The following PRRC1 variants were observed in gnomAD, a reference collection of about 807,000 sequenced individuals.
PRRC1 encodes protein PRRC1.
In PRRC1, 39 loss-of-function variants were observed where a neutral mutation model predicts 40.7. The ratio of observed to expected loss-of-function variants is 0.96; its 90% CI spans 0.74 to 1.25. PRRC1 has a LOEUF of 1.25. PRRC1 is among the 50% of genes most tolerant of loss of function. The probability of loss-of-function intolerance (pLI) is 0.00; values close to 1 mark genes in which losing one functional copy is unlikely to be tolerated. For synonymous variants in PRRC1, 175 were observed against 193.3 expected (o/e 0.91, Z 0.79); for missense variants, 573 against 548.3 (o/e 1.05, Z -0.45).
chr5:127,547,548 T>G (rs1580952314), intron 7 of PRRC1, among the ~76,000 whole-genome samples: 2 of 152,092 alleles, frequency 1.3e-5, no homozygotes, highest in Non-Finnish European at 2.9e-5. Context: ...TTACTTTGAT[T>G]ATTCTCCCTT....
chr5:127,530,169 A>G (rs1325112846), intron 4 of PRRC1, 125 bp from the exon 5 acceptor site: 15 of 679,800 alleles, frequency 2.2e-5, no homozygotes, highest in Non-Finnish European at 2.9e-5. Flanking sequence ...ATGACCTTAT[A>G]TATCTTACAA....
At position 127,552,216 on chromosome 5, in the gene PRRC1, A is replaced by G. The variant is rs1768412133; in HGVS notation, c.*300A>G. 1.8e-6 allele frequency: 2 copies of G among 1,125,584 alleles called. No individual in the cohort carries two copies. The highest frequency in any genetic ancestry group is 7.8e-4 in the Middle Eastern group (2 of 2,558). The allele number at this position is 1,125,584 out of a possible 1,614,324, so 69.7% of individuals were successfully genotyped here. ...TTATAAGGTGGAAATTCATGTGCAG[A>G]GACATTTAACTTAATGCCATGTACT... On this transcript the variant is annotated 3_prime_UTR_variant, in exon 9 of 9. Coordinates refer to ENST00000296666, the MANE Select transcript of PRRC1 (RefSeq NM_130809.5).
In PRRC1 at chr5:127,524,432, A is replaced by G. The variant is rs1007543336; in HGVS notation, c.104-99A>G. 9 of 1,140,060 alleles carry G rather than the reference A, an allele frequency of 7.9e-6. No individual in the cohort carries two copies. In the African/African-American group the frequency reaches 1.1e-4, roughly 14 times the overall value. 70.6% of individuals were successfully genotyped at this position (1,140,060 alleles called of 1,614,324 possible). On this transcript the variant is annotated intron_variant, in intron 2 of 8. Coordinates refer to ENST00000296666, the MANE Select transcript of PRRC1 (RefSeq NM_130809.5). ...AATAATTCTTGGGATATGCTTTGGT[A>G]AGTTAAAAATTTTGCAAGAAGAAAG...
chr5:127,541,843 T>G (rs1768056365), intron 7 of PRRC1, among the ~76,000 whole-genome samples: 1 of 152,058 alleles, frequency 6.6e-6, no homozygotes, highest in Non-Finnish European at 1.5e-5. Context: ...GATTCATTAA[T>G]TTTTTGAAGG....
rs1376480955 is a variant in PRRC1, at chr5:127,543,604, T to A, written c.1026-4215T>A. Among the ~76,000 whole-genome samples the A allele has an allele frequency of 2.6e-5, 4 of 152,284 alleles. No homozygotes were observed. In the South Asian group the frequency reaches 8.3e-4, roughly 32 times the overall value. On this transcript the variant is annotated intron_variant, in intron 7 of 8. Transcript: ENST00000296666. Reference sequence around the variant, plus strand: ...TTCTTTTTTCTCTAAACTTCCCTTCTCGCTTCATTTCATTCATTTCATCTT... The same window carrying A: ...TTCTTTTTTCTCTAAACTTCCCTTCACGCTTCATTTCATTCATTTCATCTT...
At chr5:127,523,312 CTCT>C in intron 1 of PRRC1, 145 bp from the exon 2 acceptor site, 1 of 467,172 alleles carries the variant, frequency 2.1e-6, no homozygotes, top group Non-Finnish European at 3.8e-6. Context: ...TTTGGACAAA[CTCT>C]TCGTCTGGAA....
chr5:127,546,623 C>T (rs779629812), intron 7 of PRRC1, among the ~76,000 whole-genome samples: 1 of 152,070 alleles, frequency 6.6e-6, no homozygotes, highest in Non-Finnish European at 1.5e-5. Context: ...AAGTCTAGGT[C>T]GGTGTTCTAA....
At chr5:127,537,605 T>C (rs1443187768) in intron 6 of PRRC1, among the ~76,000 whole-genome samples, 1 of 151,918 alleles carries the variant, frequency 6.6e-6, no homozygotes, top group African/African-American at 2.4e-5. Context: ...TAGTGAAAAA[T>C]GAACAAACTT....
chr5:127,535,263 CTTAT>C (rs1314013667), intron 6 of PRRC1, among the ~76,000 whole-genome samples: 5 of 152,176 alleles, frequency 3.3e-5, no homozygotes, highest in African/African-American at 1.2e-4. Flanking sequence ...TTGAATGCAG[CTTAT>C]TTAACACACT....
chr5:127,527,881 T>C (rs769518877), intron 4 of PRRC1, among the ~76,000 whole-genome samples: 38 of 152,060 alleles, frequency 2.5e-4, no homozygotes, highest in Non-Finnish European at 4.1e-4. Context: ...TTTGAAGAAA[T>C]TGATACCTAT....
chr5:127,552,789 G>C lies in PRRC1; in HGVS notation c.*873G>C. On this transcript the variant is annotated 3_prime_UTR_variant, in exon 9 of 9. Coordinates refer to ENST00000296666, the MANE Select transcript of PRRC1 (RefSeq NM_130809.5). ...ATTTTAATACAGAAATTTTTGAGAG[G>C]GGGTTACTTTATTGCTTGTGGGTTA... 1.0e-6 allele frequency: 1 copy of C among 985,410 alleles called. No homozygotes were observed. Among genetic ancestry groups the C allele is most frequent in the Non-Finnish European group, 1.2e-6 (1 of 829,628 alleles). 61.0% of individuals were successfully genotyped at this position (985,410 alleles called of 1,614,324 possible). A position where few individuals can be genotyped will look rare whatever the true frequency, so the allele number is the denominator to read the frequency against.
chr5:127,543,077 A>G (rs1424892065), intron 7 of PRRC1, among the ~76,000 whole-genome samples: 1 of 150,788 alleles, frequency 6.6e-6, no homozygotes, highest in Non-Finnish European at 1.5e-5. Flanking sequence ...GGTGGTGACA[A>G]AATCTCTCAG....
At chr5:127,532,992 TTAAG>T (rs1433787623) in intron 5 of PRRC1, among the ~76,000 whole-genome samples, 1 of 152,142 alleles carries the variant, frequency 6.6e-6, no homozygotes, top group African/African-American at 2.4e-5. Context: ...CTTAGGTTGT[TTAAG>T]TAATTGAAAA....
intron 1 of PRRC1, among the ~76,000 whole-genome samples, chr5:127,521,929 T>C (rs571024875): frequency 5.3e-5 from 8 of 152,312 alleles, no homozygotes; most frequent in African/African-American, 1.9e-4. Flanking sequence ...CAAGTCAAAA[T>C]CATATTCCTG....
In PRRC1 at chr5:127,524,539, A is replaced by C; in HGVS notation, c.112A>C (p.Ser38Arg). ...SSTPVPLAAT[S>R]SFSSPNVSSM... ...TCTCCACTTTTTTCTAGCGGCAACCAGTTCTTTTTCTTCTCCAAATGTATC... is the reference window on the plus strand; with the variant it reads ...TCTCCACTTTTTTCTAGCGGCAACCCGTTCTTTTTCTTCTCCAAATGTATC... The change falls in exon 3 of 9, where the codon AGT becomes CGT. Residue 38 changes from serine to arginine, a missense_variant. Physicochemically the swap from Ser to Arg is moderately radical, Grantham distance 110. Transcript: ENST00000296666. 6.3e-7 allele frequency: 1 copy of C among 1,594,868 alleles called. No homozygotes were observed.
At chr5:127,527,726 C>T (rs1276535241) in intron 4 of PRRC1, among the ~76,000 whole-genome samples, 1 of 144,280 alleles carries the variant, frequency 6.9e-6, no homozygotes, top group East Asian at 2.0e-4. Context: ...ATACTACATT[C>T]CAGTCTAAGT....
chr5:127,528,598 G>C (rs1440985120), intron 4 of PRRC1, among the ~76,000 whole-genome samples: 1 of 152,104 alleles, frequency 6.6e-6, no homozygotes, highest in African/African-American at 2.4e-5. Flanking sequence ...TTACAGGTGT[G>C]AGCCACCGCA....
rs111699203 is a variant in PRRC1, at chr5:127,534,941, C to T, written c.921+1155C>T. On this transcript the variant is annotated intron_variant, in intron 6 of 8. Transcript: ENST00000296666. Reference sequence around the variant, plus strand: ...TCAGGCAAGAAACCTTGGAGTCAGCCCTGACTTCTCTCATTACCCACTTCT... The same window carrying T: ...TCAGGCAAGAAACCTTGGAGTCAGCTCTGACTTCTCTCATTACCCACTTCT... Among the ~76,000 whole-genome samples, 315 of 152,246 alleles carry T rather than the reference C, an allele frequency of 2.1e-3. 1 individual carries two copies. The highest frequency in any genetic ancestry group is 7.1e-3 in the African/African-American group (295 of 41,542).
chr5:127,543,581 C>CT (rs1455384916), intron 7 of PRRC1, among the ~76,000 whole-genome samples: 2 of 151,920 alleles, frequency 1.3e-5, no homozygotes, highest in African/African-American at 2.4e-5. Context: ...TCTTTTTATT[C>CT]TTTTTTCTCT....
Sources: gnomAD v4.1 joint callset for allele counts (sites outside exome capture counted in the v4.1 genomes callset) on GRCh38, gnomAD v4.1.1 for gene constraint, MANE v1.5 for transcripts, NCBI Gene and HGNC (gene_info 2026-07-23, HGNC 2026-07-21) for gene names.